Variants in TRIM24 observed in about 807,000 individuals in gnomAD.
TRIM24 encodes the protein tripartite motif containing 24.
Under a neutral mutation model 123.9 loss-of-function variants are expected in TRIM24, and 29 were observed. The ratio of observed to expected loss-of-function variants is 0.23; its 90% CI spans 0.17 to 0.32. TRIM24 has a LOEUF of 0.32. TRIM24 is among the 10% of genes least tolerant of loss of function. The pLI is 1.00. For missense variants in TRIM24, 932 were observed against 1,295.3 expected, an observed-to-expected ratio of 0.72 and a Z score of 4.31; for synonymous variants, 456 against 461.1, an observed-to-expected ratio of 0.99 and a Z score of 0.14.
intron 10 of TRIM24, 54 bp from the exon 11 acceptor site, chr7:138,570,773 ATGT>A: frequency 1.3e-6 from 2 of 1,568,136 alleles, no homozygotes; most frequent in Middle Eastern, 1.7e-4. Flanking sequence ...GATTACATAG[ATGT>A]TGTATTTTAT....
intron 6 of TRIM24, 97 bp from the exon 7 acceptor site, chr7:138,538,560 A>C: frequency 4.7e-6 from 6 of 1,275,620 alleles, no homozygotes; most frequent in Non-Finnish European, 5.5e-6. Flanking sequence ...TTGAGTAATT[A>C]GAGATTGTAG....
intron 1 of TRIM24, among the ~76,000 whole-genome samples, chr7:138,491,644 T>C (rs1185046217): frequency 4.6e-5 from 7 of 152,284 alleles, no homozygotes; most frequent in African/African-American, 1.4e-4. Context: ...CTACGAACAT[T>C]GGTGTCCAAA....
intron 1 of TRIM24, among the ~76,000 whole-genome samples, chr7:138,474,960 A>G (rs1795363962): frequency 6.6e-6 from 1 of 152,230 alleles, no homozygotes; most frequent in Admixed American, 6.5e-5. Context: ...AGTAGTATAT[A>G]CTTGTTATGC....
In TRIM24 at chr7:138,579,404, G is replaced by A. The variant is rs1191016997; in HGVS notation, c.2457G>A (p.Arg819=). ...QKSPLHVGET[R]KEDDPNEDWC... ...CACCTCTTCATGTTGGAGAGACAAG[G>A]AAAGAGGATGACCCCAATGAGGACT... The change falls in exon 15 of 19, where the codon AGG becomes AGA. Residue 819 remains arginine, a synonymous_variant. Transcript: ENST00000343526. 6.2e-7 allele frequency: 1 copy of A among 1,614,130 alleles called. No homozygotes were observed. Among genetic ancestry groups the A allele is most frequent in the Admixed American group, 1.7e-5 (1 of 60,014 alleles).
intron 1 of TRIM24, 186 bp downstream of exon 1, chr7:138,461,098 C>T: frequency 1.4e-6 from 1 of 739,436 alleles, no homozygotes; most frequent in Non-Finnish European, 2.3e-6. Flanking sequence ...GTGTCGCGCT[C>T]GGCCAGCAAC....
Position 138,551,134 on chromosome 7 carries a change from A to G in TRIM24, c.1215A>G (p.Gln405=), listed in dbSNP as rs767386568. The G allele has an allele frequency of 5.0e-5, 81 of 1,613,662 alleles. No individual in the cohort carries two copies. Among genetic ancestry groups the G allele is most frequent in the Non-Finnish European group, 6.1e-5 (72 of 1,179,792 alleles). ...CCCCAGTGACCAACAACACCATCCA[A>G]TTTCACTGTGATCCTAGTTTCTGGG... ...DASPVTNNTI[Q]FHCDPSFWAQ... Residue 405 remains glutamine (Q), a synonymous_variant, in exon 8 of 19, where the codon CAA becomes CAG. Transcript: ENST00000343526.
chr7:138,464,101 TCTC>T (rs1302982708), intron 1 of TRIM24, among the ~76,000 whole-genome samples: 4 of 148,590 alleles, frequency 2.7e-5, no homozygotes, highest in African/African-American at 9.9e-5. Flanking sequence ...TTCAGGCCAT[TCTC>T]CTGCCTCAGC....
intron 2 of TRIM24, among the ~76,000 whole-genome samples, chr7:138,505,013 G>A (rs1394675956): frequency 2.7e-5 from 4 of 146,362 alleles, no homozygotes; most frequent in Admixed American, 1.4e-4. Flanking sequence ...CACCCGCCTC[G>A]GCCTCTCAAA....
In TRIM24 at chr7:138,586,316, T is replaced by C. The variant is rs940778834; in HGVS notation, c.*1365T>C. On this transcript the variant is annotated 3_prime_UTR_variant, in exon 19 of 19. Transcript: ENST00000343526. ...GAGTAAATTTTTCTCCTTAGGATGA[T>C]AGAATAAAAAGAGCTCACTTGAAAG... The C allele has an allele frequency of 1.3e-5, 2 of 157,362 alleles. No individual in the cohort carries two copies. Among genetic ancestry groups the C allele is most frequent in the East Asian group, 1.8e-4 (1 of 5,456 alleles). 9.7% of individuals were successfully genotyped at this position (157,362 alleles called of 1,614,324 possible).
At chr7:138,462,635 C>T (rs112877067) in intron 1 of TRIM24, among the ~76,000 whole-genome samples, 52 of 152,150 alleles carry the variant, frequency 3.4e-4, no homozygotes, top group African/African-American at 8.4e-4. Flanking sequence ...CCACCGCGCC[C>T]GGCCAAAAAT....
chr7:138,460,736 TC>T lies in TRIM24; in HGVS notation c.190del (p.Gln64ArgfsTer77). The T allele has an allele frequency of 6.3e-7, 1 of 1,576,314 alleles. No homozygotes were observed. Among genetic ancestry groups the T allele is most frequent in the East Asian group, 2.5e-5 (1 of 39,854 alleles). ...LDTCAVCHQN[I>X]QSRAPKLLPC... Reference sequence around the variant, plus strand: ...ACTTGCGCCGTGTGCCACCAGAACATCCAGAGCCGGGCGCCCAAGCTGCTGC... The same window carrying T: ...ACTTGCGCCGTGTGCCACCAGAACATCAGAGCCGGGCGCCCAAGCTGCTGC... On this transcript the variant is annotated frameshift_variant, in exon 1 of 19. Transcript: ENST00000343526. LOFTEE classifies it high-confidence loss of function.
chr7:138,537,302 T>C (rs1213555883), intron 6 of TRIM24, among the ~76,000 whole-genome samples: 1 of 150,204 alleles, frequency 6.7e-6, no homozygotes, highest in East Asian at 2.0e-4. Flanking sequence ...ATCTTCTGCG[T>C]CACTCACGCT....
chr7:138,585,957 T>C lies in TRIM24; in HGVS notation c.*1006T>C, dbSNP rs1361205203. 1 of 509,196 alleles carries C rather than the reference T, an allele frequency of 2.0e-6. No homozygotes were observed. Among genetic ancestry groups the C allele is most frequent in the East Asian group, 5.5e-5 (1 of 18,100 alleles). The allele number at this position is 509,196 out of a possible 1,614,324, so 31.5% of individuals were successfully genotyped here. A position where few individuals can be genotyped will look rare whatever the true frequency, so the allele number is the denominator to read the frequency against. The stretch of plus-strand genomic sequence containing the variant: ...TCTATAATTTGGAATGAAAATGTGT[T>C]GTAGGATTTTGGGAGCAGGCAGCTG... On this transcript the variant is annotated 3_prime_UTR_variant, in exon 19 of 19. Coordinates refer to ENST00000343526, the MANE Select transcript of TRIM24 (RefSeq NM_015905.3).
chr7:138,504,444 G>GTTTTTTTTTTTTTTTT (rs1563036659), intron 2 of TRIM24, 36 bp downstream of exon 2: 1 of 603,602 alleles, frequency 1.7e-6, no homozygotes, highest in Non-Finnish European at 2.5e-6. Context: ...TTGCCTGCCA[G>GTTTTTTTTTTTTTTTT]CTCTTTTTTT....
intron 1 of TRIM24, among the ~76,000 whole-genome samples, chr7:138,465,733 A>G (rs1024141857): frequency 2.6e-4 from 39 of 152,206 alleles, no homozygotes; most frequent in Admixed American, 1.0e-3. Flanking sequence ...AGTCCTATAT[A>G]TATAAAAATA....
intron 7 of TRIM24, among the ~76,000 whole-genome samples, chr7:138,546,669 C>G (rs1797108741): frequency 6.6e-6 from 1 of 152,260 alleles, no homozygotes; most frequent in South Asian, 2.1e-4. Context: ...TAACTTAACA[C>G]TCAGGGAATT....
intron 7 of TRIM24, among the ~76,000 whole-genome samples, chr7:138,541,544 T>G (rs1797005182): frequency 6.6e-6 from 1 of 152,208 alleles, no homozygotes; most frequent in South Asian, 2.1e-4. Flanking sequence ...CCGGCTTTGT[T>G]TTCACTTATA....
chr7:138,519,359 C>G (rs1353853675), intron 4 of TRIM24, 38 bp downstream of exon 4: 5 of 1,558,510 alleles, frequency 3.2e-6, no homozygotes, highest in Non-Finnish European at 4.3e-6. Context: ...GATTCATATG[C>G]AGCTTTAGAG....
chr7:138,518,768 T>TTC (rs1796449402), intron 3 of TRIM24, among the ~76,000 whole-genome samples: 1 of 152,190 alleles, frequency 6.6e-6, no homozygotes. Context: ...CCTGAATAGC[T>TTC]GTGACTACAA....
Sources: gnomAD v4.1 joint callset for allele counts (sites outside exome capture counted in the v4.1 genomes callset) on GRCh38, gnomAD v4.1.1 for gene constraint, MANE v1.5 for transcripts, NCBI Gene and HGNC (gene_info 2026-07-23, HGNC 2026-07-21) for gene names.